The following BRD4 variants were observed in gnomAD, a reference collection of about 807,000 sequenced individuals.
BRD4 encodes the protein bromodomain-containing protein 4.
In BRD4, 16 loss-of-function variants were observed where a neutral mutation model predicts 142.1. The ratio of observed to expected loss-of-function variants is 0.11; its 90% CI spans 0.08 to 0.17. The LOEUF (loss-of-function observed/expected upper bound fraction) is 0.17, where lower values mean the gene tolerates loss of function less well. Ranked by LOEUF, BRD4 falls within the 10% of genes least tolerant of loss-of-function variation. BRD4 has a pLI of 1.00. For synonymous variants in BRD4, 833 were observed against 707.5 expected (o/e 1.18, Z -2.82); for missense variants, 1,424 against 1,810.9 (o/e 0.79, Z 3.88).
At position 15,243,382 on chromosome 19, in the gene BRD4, T is replaced by A; in HGVS notation, c.2687A>T (p.Gln896Leu). Residue 896 changes from glutamine to leucine, a missense_variant, in exon 14 of 20, where the codon CAA (glutamine) becomes CTA (leucine). Gln to Leu is a moderately radical substitution (Grantham distance 113). This residue lies in a region of BRD4 where 598 missense variants were observed against 647.8 expected (regional missense o/e 0.92). Coordinates refer to ENST00000679869, the MANE Select transcript of BRD4 (RefSeq NM_001379291.1). The part of the protein sequence containing the change: ...RPPAVSPALT[Q>L]TPLLPQPPMA... ...GGGGGGCTGTGGGAGCAGGGGTGTTTGGGTCAAGGCTGGTGACACGGCTGG... is the reference window on the plus strand; with the variant it reads ...GGGGGGCTGTGGGAGCAGGGGTGTTAGGGTCAAGGCTGGTGACACGGCTGG... 1 of 1,491,712 alleles carries A rather than the reference T, an allele frequency of 6.7e-7. No individual in the cohort carries two copies. The highest frequency in any genetic ancestry group is 1.4e-5 in the South Asian group (1 of 73,652). The allele number at this position is 1,491,712 out of a possible 1,614,324, so 92.4% of individuals were successfully genotyped here.
intron 1 of BRD4, among the ~76,000 whole-genome samples, chr19:15,304,252 AAC>A (rs2047895168): frequency 6.6e-6 from 1 of 152,150 alleles, no homozygotes; most frequent in South Asian, 2.1e-4. Flanking sequence ...TGCCCACAGG[AAC>A]ACACAGTGTG....
intron 1 of BRD4, among the ~76,000 whole-genome samples, chr19:15,290,895 G>T (rs17707831): frequency 6.6e-6 from 1 of 152,110 alleles, no homozygotes; most frequent in Admixed American, 6.5e-5. Flanking sequence ...GGAAACATTT[G>T]AGAGGTTTTA....
chr19:15,250,787 C>T (rs1395156602), intron 11 of BRD4, among the ~76,000 whole-genome samples: 1 of 152,202 alleles, frequency 6.6e-6, no homozygotes, highest in Non-Finnish European at 1.5e-5. Context: ...CTAGAAGATT[C>T]CTAGGACATG....
intron 7 of BRD4, among the ~76,000 whole-genome samples, chr19:15,261,840 T>C (rs1445602166): frequency 2.6e-5 from 4 of 152,266 alleles, no homozygotes; most frequent in African/African-American, 4.8e-5. Flanking sequence ...AGAGGCTCAA[T>C]TGAGCACAGC....
At position 15,265,443 on chromosome 19, in the gene BRD4, G is replaced by C; in HGVS notation, c.760C>G (p.Pro254Ala). 1 of 1,335,504 alleles carries C rather than the reference G, an allele frequency of 7.5e-7. No homozygotes were observed. Among genetic ancestry groups the C allele is most frequent in the Non-Finnish European group, 1.1e-6 (1 of 942,092 alleles). 82.7% of individuals were successfully genotyped at this position (1,335,504 alleles called of 1,614,324 possible). A position where few individuals can be genotyped will look rare whatever the true frequency, so the allele number is the denominator to read the frequency against. ...PQPLQTPPPVPPQPQPPPAPA... is the reference protein window; with the variant it reads ...PQPLQTPPPVAPQPQPPPAPA... ...GCGGGTGGGGGTTGTGGCTGGGGGG[G>C]CACTGGCGGGGGCGTCTGCAGTGGC... The change falls in exon 5 of 20, where the codon CCC becomes GCC. Residue 254 changes from proline to alanine, a missense_variant. By Grantham distance (27) the Pro-to-Ala change is conservative. Coordinates refer to ENST00000679869, the MANE Select transcript of BRD4 (RefSeq NM_001379291.1).
intron 1 of BRD4, among the ~76,000 whole-genome samples, chr19:15,316,827 C>A (rs1424969272): frequency 6.6e-6 from 1 of 152,174 alleles, no homozygotes; most frequent in African/African-American, 2.4e-5. Context: ...CTGGTGAGCA[C>A]CTCCAAGGGA....
chr19:15,298,063 A>G (rs570709153), intron 1 of BRD4, among the ~76,000 whole-genome samples: 10 of 152,374 alleles, frequency 6.6e-5, no homozygotes, highest in African/African-American at 2.4e-4. Context: ...TTACAGCAGC[A>G]CCCAACAATC....
intron 6 of BRD4, 152 bp from the exon 7 acceptor site, chr19:15,263,700 C>A: frequency 2.0e-6 from 2 of 998,742 alleles, no homozygotes; most frequent in East Asian, 2.6e-5. Context: ...GGCCATCACC[C>A]CAGTTCTCAG....
chr19:15,256,430 A>G (rs2047409637), intron 8 of BRD4, among the ~76,000 whole-genome samples, 167 bp from the exon 9 acceptor site: 1 of 152,242 alleles, frequency 6.6e-6, no homozygotes, highest in African/African-American at 2.4e-5. Context: ...TGCGCCTGTC[A>G]TGTTAACCAG....
intron 14 of BRD4, among the ~76,000 whole-genome samples, chr19:15,241,442 T>C (rs1409500883): frequency 1.3e-5 from 2 of 152,232 alleles, no homozygotes; most frequent in East Asian, 3.8e-4. Context: ...GGGATGCCTG[T>C]TAAGTCTCTT....
intron 2 of BRD4, 78 bp downstream of exon 2, chr19:15,272,737 C>T (rs2047601827): frequency 7.1e-7 from 1 of 1,409,254 alleles, no homozygotes; most frequent in East Asian, 2.5e-5. Context: ...ACCCTCCCCC[C>T]AGGAACTGCC....
chr19:15,295,739 G>C (rs553746415), intron 1 of BRD4, among the ~76,000 whole-genome samples: 3 of 152,384 alleles, frequency 2.0e-5, no homozygotes, highest in Non-Finnish European at 1.5e-5. Flanking sequence ...GGGAGGCCGA[G>C]GCAGGTGGAT....
chr19:15,308,803 C>G (rs1355528218), intron 1 of BRD4, among the ~76,000 whole-genome samples: 4 of 151,518 alleles, frequency 2.6e-5, no homozygotes, highest in Non-Finnish European at 4.4e-5. Context: ...ATCACGAGGT[C>G]AGGAGTTTGA....
intron 1 of BRD4, among the ~76,000 whole-genome samples, chr19:15,317,515 C>T (rs2048027098): frequency 6.6e-6 from 1 of 152,118 alleles, no homozygotes; most frequent in Non-Finnish European, 1.5e-5. Context: ...TACAGGGAAG[C>T]CTATTCATAG....
At chr19:15,264,867 C>A in intron 5 of BRD4, 101 bp from the exon 6 acceptor site, 7 of 1,500,374 alleles carry the variant, frequency 4.7e-6, no homozygotes, top group Non-Finnish European at 6.3e-6. Flanking sequence ...TGGGGCCCAT[C>A]GCTCACACAG....
chr19:15,251,038 C>A (rs910249052), intron 11 of BRD4, among the ~76,000 whole-genome samples: 3 of 152,196 alleles, frequency 2.0e-5, no homozygotes, highest in African/African-American at 7.2e-5. Context: ...ACAGCCCAAG[C>A]AATAGCTGGA....
chr19:15,318,723 C>T (rs930473190), intron 1 of BRD4, among the ~76,000 whole-genome samples: 1 of 152,222 alleles, frequency 6.6e-6, no homozygotes, highest in African/African-American at 2.4e-5. Context: ...GGAGCAAAGG[C>T]TCCATACCAA....
intron 1 of BRD4, among the ~76,000 whole-genome samples, chr19:15,302,393 T>C (rs1205578601): frequency 6.6e-6 from 1 of 152,128 alleles, no homozygotes; most frequent in Non-Finnish European, 1.5e-5. Flanking sequence ...TAACAGATGT[T>C]CTCAGCCTTG....
At chr19:15,329,449 A>C (rs2048138015) in intron 1 of BRD4, among the ~76,000 whole-genome samples, 1 of 152,206 alleles carries the variant, frequency 6.6e-6, no homozygotes, top group African/African-American at 2.4e-5. Flanking sequence ...TTTGCTTTAA[A>C]AACAAAACAG....
Sources: allele counts gnomAD v4.1 joint callset (sites outside exome capture counted in the v4.1 genomes callset), GRCh38; gene constraint gnomAD v4.1.1; regional missense constraint gnomAD v4.1.1; transcripts MANE v1.5; gene names NCBI Gene and HGNC (gene_info 2026-07-23, HGNC 2026-07-21).